The following EXOC6B variants were observed in gnomAD, a reference collection of about 807,000 sequenced individuals.
The protein encoded by EXOC6B is exocyst complex component 6B, also known as SEC15 homolog B.
Under a neutral mutation model 113.5 loss-of-function variants are expected in EXOC6B, and 54 were observed. The ratio of observed to expected loss-of-function variants is 0.48; its 90% CI spans 0.38 to 0.60. EXOC6B has a LOEUF of 0.60. Ranked by LOEUF, EXOC6B falls within the 20% of genes least tolerant of loss-of-function variation. The pLI is 0.00. For synonymous variants in EXOC6B, 357 were observed against 339.0 expected, an observed-to-expected ratio of 1.05 and a Z score of -0.58; for missense variants, 797 against 977.5, an observed-to-expected ratio of 0.82 and a Z score of 2.46.
chr2:72,387,093 G>T (rs931349376), intron 18 of EXOC6B, among the ~76,000 whole-genome samples: 1 of 152,108 alleles, frequency 6.6e-6, no homozygotes, highest in East Asian at 1.9e-4. Context: ...TCTTGAAAGG[G>T]TGTTCAATTT....
intron 18 of EXOC6B, among the ~76,000 whole-genome samples, chr2:72,402,622 T>A (rs1192734385): frequency 6.6e-6 from 1 of 152,202 alleles, no homozygotes; most frequent in Non-Finnish European, 1.5e-5. Context: ...AGACATAGAA[T>A]TCCTGGGCTT....
At chr2:72,761,327 AAACTC>A (rs1682731527) in intron 1 of EXOC6B, among the ~76,000 whole-genome samples, 1 of 152,182 alleles carries the variant, frequency 6.6e-6, no homozygotes, top group African/African-American at 2.4e-5. Flanking sequence ...GGTGAACTCT[AAACTC>A]AACAAAGTGA....
chr2:72,280,979 A>T (rs1274984908), intron 20 of EXOC6B, among the ~76,000 whole-genome samples: 1 of 152,098 alleles, frequency 6.6e-6, no homozygotes, highest in Non-Finnish European at 1.5e-5. Context: ...AAAGCCAAGC[A>T]GAAAATGGCT....
chr2:72,235,144 A>C (rs1207224748), intron 20 of EXOC6B, among the ~76,000 whole-genome samples: 2 of 152,228 alleles, frequency 1.3e-5, no homozygotes, highest in African/African-American at 4.8e-5. Context: ...CATGGAATCA[A>C]CCTAAATGCC....
At chr2:72,493,274 G>C (rs1025348324) in intron 15 of EXOC6B, among the ~76,000 whole-genome samples, 1 of 147,328 alleles carries the variant, frequency 6.8e-6, no homozygotes, top group Non-Finnish European at 1.5e-5. Flanking sequence ...TCGCCTCTCT[G>C]ATGAGTTCCA....
chr2:72,580,036 C>T (rs565664941), intron 6 of EXOC6B, among the ~76,000 whole-genome samples: 1 of 151,130 alleles, frequency 6.6e-6, no homozygotes, highest in South Asian at 2.1e-4. Flanking sequence ...TGAGAAAATA[C>T]ATGTGAAGTC....
chr2:72,638,592 A>C (rs766358662), intron 6 of EXOC6B, among the ~76,000 whole-genome samples: 38 of 152,154 alleles, frequency 2.5e-4, no homozygotes, highest in Non-Finnish European at 4.4e-4. Flanking sequence ...TAGCCCCAGG[A>C]GAATGGGTGA....
chr2:72,261,612 T>C (rs1409331207), intron 20 of EXOC6B, among the ~76,000 whole-genome samples: 4 of 152,188 alleles, frequency 2.6e-5, no homozygotes, highest in Non-Finnish European at 5.9e-5. Flanking sequence ...ACTCCAGCTA[T>C]TGTCAAGTTT....
intron 20 of EXOC6B, among the ~76,000 whole-genome samples, chr2:72,286,505 T>C (rs975219431): frequency 2.6e-5 from 4 of 152,120 alleles, no homozygotes; most frequent in Non-Finnish European, 2.9e-5. Flanking sequence ...AAGAAGGGAA[T>C]GAAGAGGTGG....
chr2:72,426,885 C>T (rs1445040908), intron 18 of EXOC6B, among the ~76,000 whole-genome samples: 1 of 152,246 alleles, frequency 6.6e-6, no homozygotes, highest in South Asian at 2.1e-4. Context: ...CAAGCAGTGG[C>T]TGCAGGGGCA....
chr2:72,662,764 G>A (rs566415739), intron 6 of EXOC6B, among the ~76,000 whole-genome samples: 128 of 150,878 alleles, frequency 8.5e-4, no homozygotes, highest in African/African-American at 3.0e-3. Flanking sequence ...TTTTTGAGAC[G>A]GAGTCTCACT....
In EXOC6B at chr2:72,825,487, G is replaced by T. The variant is rs573687878; in HGVS notation, c.113+311C>A. Among the ~76,000 whole-genome samples, 22 of 152,336 alleles carry T rather than the reference G, an allele frequency of 1.4e-4. No individual in the cohort carries two copies. The South Asian group carries it at 4.1e-3, about 29-fold the overall frequency. On this transcript the variant is annotated intron_variant, in intron 1 of 21. Transcript: ENST00000272427. The surrounding 1 kb of genome is among the most constrained non-coding windows in gnomAD (Gnocchi z 4.4). Reference sequence around the variant, plus strand: ...GGTGATGTCCCCAGGGGGAAGATCTGCCGGGAGCCACCACCATCTGTCGGG... The same window carrying T: ...GGTGATGTCCCCAGGGGGAAGATCTTCCGGGAGCCACCACCATCTGTCGGG...
intron 18 of EXOC6B, among the ~76,000 whole-genome samples, chr2:72,403,644 T>C (rs994804404): frequency 2.6e-5 from 4 of 152,126 alleles, no homozygotes; most frequent in East Asian, 3.9e-4. Context: ...CAGTGAGCTA[T>C]GATTGTGCCA....
At chr2:72,358,709 T>C (rs1227769362) in intron 19 of EXOC6B, among the ~76,000 whole-genome samples, 1 of 152,206 alleles carries the variant, frequency 6.6e-6, no homozygotes, top group Admixed American at 6.5e-5. Context: ...GAATTGACTG[T>C]TGGTGGTAAA....
chr2:72,645,027 G>T (rs1470350935), intron 6 of EXOC6B, among the ~76,000 whole-genome samples: 2 of 152,128 alleles, frequency 1.3e-5, no homozygotes, highest in Non-Finnish European at 2.9e-5. Flanking sequence ...TCAGTGTGCT[G>T]TATTCAGGAG....
intron 6 of EXOC6B, among the ~76,000 whole-genome samples, chr2:72,595,322 C>A (rs1174500686): frequency 6.9e-6 from 1 of 145,348 alleles, no homozygotes. Flanking sequence ...AATTAATAAG[C>A]ATGGAGAAGA....
intron 6 of EXOC6B, among the ~76,000 whole-genome samples, chr2:72,683,228 ATTG>A: frequency 6.6e-6 from 1 of 152,188 alleles, no homozygotes; most frequent in East Asian, 1.9e-4. Context: ...TGTGTTTTTC[ATTG>A]TGGATTCTCC....
intron 8 of EXOC6B, among the ~76,000 whole-genome samples, chr2:72,544,002 C>A (rs1702763979): frequency 1.3e-5 from 2 of 152,128 alleles, no homozygotes; most frequent in South Asian, 4.1e-4. Flanking sequence ...ACCATGGAGA[C>A]AAATCAGAAA....
intron 6 of EXOC6B, among the ~76,000 whole-genome samples, chr2:72,693,859 T>C (rs978010646): frequency 6.6e-6 from 1 of 152,012 alleles, no homozygotes; most frequent in African/African-American, 2.4e-5. Flanking sequence ...TTTTTTTCCT[T>C]GTGCCACTCA....
Sources: gnomAD v4.1 joint callset for allele counts (sites outside exome capture counted in the v4.1 genomes callset) on GRCh38, gnomAD v4.1.1 for gene constraint, Gnocchi (gnomAD v3.1) non-coding constraint, MANE v1.5 for transcripts, NCBI Gene and HGNC (gene_info 2026-07-23, HGNC 2026-07-21) for gene names.